STARD10: variants seen among roughly 807,000 people sequenced by gnomAD.
The protein encoded by STARD10 is StAR related lipid transfer domain containing 10.
A neutral mutation model predicts 36.0 loss-of-function variants in STARD10; 24 were observed. The observed-to-expected ratio is 0.67, with a 90% CI of 0.48 to 0.94. The LOEUF (loss-of-function observed/expected upper bound fraction) is 0.94. Ranked by LOEUF, STARD10 falls within the 40% of genes least tolerant of loss-of-function variation. The probability of loss-of-function intolerance (pLI) is 0.00; values close to 1 mark genes in which losing one functional copy is unlikely to be tolerated. For synonymous variants in STARD10, 156 were observed against 161.9 expected, an observed-to-expected ratio of 0.96 and a Z score of 0.28; for missense variants, 335 against 396.6, an observed-to-expected ratio of 0.84 and a Z score of 1.32.
At chr11:72,768,406 C>T (rs1858818479) in intron 2 of STARD10, among the ~76,000 whole-genome samples, 1 of 151,988 alleles carries the variant, frequency 6.6e-6, no homozygotes, top group African/African-American at 2.4e-5. Flanking sequence ...TTCTGGGGCC[C>T]CCAAAATGGA....
chr11:72,774,142 AG>A (rs1266915279), intron 2 of STARD10, among the ~76,000 whole-genome samples: 2 of 152,186 alleles, frequency 1.3e-5, no homozygotes, highest in Non-Finnish European at 2.9e-5. Flanking sequence ...GGGGAGATGG[AG>A]GTGGTAACAA....
chr11:72,766,635 G>A (rs1243459032), intron 2 of STARD10, among the ~76,000 whole-genome samples: 1 of 152,034 alleles, frequency 6.6e-6, no homozygotes, highest in African/African-American at 2.4e-5. Flanking sequence ...CCCCCTGACT[G>A]TGTTCTCTGG....
chr11:72,776,611 T>C (rs542878197), intron 2 of STARD10, among the ~76,000 whole-genome samples: 6 of 152,118 alleles, frequency 3.9e-5, no homozygotes. Context: ...GCTTCAGCCA[T>C]GTCCGGCTGT....
chr11:72,791,413 G>C (rs1859141893), intron 1 of STARD10, among the ~76,000 whole-genome samples: 1 of 152,116 alleles, frequency 6.6e-6, no homozygotes, highest in South Asian at 2.1e-4. Flanking sequence ...CCTTAATAGA[G>C]TCCTTTTCTG....
intron 6 of STARD10, 120 bp downstream of exon 6, chr11:72,755,581 G>C: frequency 8.4e-7 from 1 of 1,185,220 alleles, no homozygotes; most frequent in South Asian, 1.2e-5. Context: ...AAAGTGCTGG[G>C]ATTACAGGCA....
At chr11:72,755,579 G>T (rs1858633246) in intron 6 of STARD10, 122 bp downstream of exon 6, 3 of 1,164,858 alleles carry the variant, frequency 2.6e-6, no homozygotes, top group Non-Finnish European at 3.8e-6. Context: ...CCAAAGTGCT[G>T]GGATTACAGG....
chr11:72,761,825 T>C (rs576388209), intron 2 of STARD10, among the ~76,000 whole-genome samples: 8 of 151,890 alleles, frequency 5.3e-5, no homozygotes, highest in African/African-American at 1.9e-4. Context: ...GGAAGCACAA[T>C]TGCTAAGGTG....
chr11:72,763,678 T>C (rs1858750087), intron 2 of STARD10, among the ~76,000 whole-genome samples: 1 of 151,798 alleles, frequency 6.6e-6, no homozygotes, highest in South Asian at 2.1e-4. Flanking sequence ...GAGATGTGAG[T>C]GACTGAGTGA....
rs149420136 is a variant in STARD10, at chr11:72,759,221, T to C, written c.355+13A>G. On this transcript the variant is annotated intron_variant, in intron 3 of 6. Coordinates refer to ENST00000334805, the MANE Select transcript of STARD10 (RefSeq NM_006645.3). ...GCCAAGGGGACTGGGATCAGCGTGC[T>C]ACGCCTGCTCACAGGAGTAATAGCC... 1.2e-6 allele frequency: 2 copies of C among 1,613,790 alleles called. No homozygotes were observed. The highest frequency in any genetic ancestry group is 1.1e-5 in the South Asian group (1 of 90,996).
At position 72,780,921 on chromosome 11, in the gene STARD10, G is replaced by A. The variant is rs74541037; in HGVS notation, c.207+54C>T. 2.3e-3 allele frequency: 3,650 copies of A among 1,577,618 alleles called. 82 individuals carry two copies. The Admixed American group carries it at 0.043, about 18-fold the overall frequency. ...CCGGAGAGAGGACCAGGAGACTCCG[G>A]GAGAGAGGCAGTAAGGGTGCAGTGG... On this transcript the variant is annotated intron_variant, in intron 2 of 6. Coordinates refer to ENST00000334805, the MANE Select transcript of STARD10 (RefSeq NM_006645.3).
intron 2 of STARD10, among the ~76,000 whole-genome samples, chr11:72,774,372 A>G (rs1858903511): frequency 6.6e-6 from 1 of 152,222 alleles, no homozygotes; most frequent in South Asian, 2.1e-4. Context: ...CTAAAGCCCC[A>G]GAGAACAGCT....
chr11:72,760,217 TTTCA>T (rs562315770), intron 2 of STARD10, among the ~76,000 whole-genome samples: 1 of 150,842 alleles, frequency 6.6e-6, no homozygotes, highest in African/African-American at 2.4e-5. Flanking sequence ...TCTTTCTTTT[TTTCA>T]TTCATTCATT....
intron 2 of STARD10, among the ~76,000 whole-genome samples, chr11:72,779,514 G>A (rs1858966125): frequency 6.6e-6 from 1 of 152,142 alleles, no homozygotes; most frequent in South Asian, 2.1e-4. Flanking sequence ...CTTGAACCTG[G>A]GAGGTGGAGA....
intron 2 of STARD10, among the ~76,000 whole-genome samples, chr11:72,762,846 C>T (rs1034111372): frequency 6.6e-6 from 1 of 152,124 alleles, no homozygotes; most frequent in Admixed American, 6.5e-5. Flanking sequence ...GAATGAGTTC[C>T]ATCTGGCTCA....
Position 72,759,298 on chromosome 11 carries a change from G to T in STARD10, c.291C>A (p.Ser97Arg), listed in dbSNP as rs772117209. ...HDIEYRKKWD[S>R]NVIETFDIAR... Reference sequence around the variant, plus strand: ...CGATGTCAAAAGTCTCAATGACGTTGCTGTCCCATTTCTTGCGGTACTCAA... The same window carrying T: ...CGATGTCAAAAGTCTCAATGACGTTTCTGTCCCATTTCTTGCGGTACTCAA... Residue 97 changes from serine (S) to arginine (R), a missense_variant, in exon 3 of 7, where the codon AGC (serine) becomes AGA (arginine). Physicochemically the swap from Ser to Arg is moderately radical, Grantham distance 110 (BLOSUM62 -1). Transcript: ENST00000334805. 1.9e-6 allele frequency: 3 copies of T among 1,614,168 alleles called. No homozygotes were observed. The South Asian group carries it at 3.3e-5, about 18-fold the overall frequency.
Position 72,780,944 on chromosome 11 carries a change from T to C in STARD10, c.207+31A>G, listed in dbSNP as rs777864317. The C allele has an allele frequency of 3.7e-6, 6 of 1,602,294 alleles. No homozygotes were observed. The African/African-American group carries it at 5.4e-5, about 14-fold the overall frequency. ...CGGGAGAGAGGCAGTAAGGGTGCAG[T>C]GGAGGCTGCAGGTATAGCGGGCAAC... On this transcript the variant is annotated intron_variant, in intron 2 of 6. Coordinates refer to ENST00000334805, the MANE Select transcript of STARD10 (RefSeq NM_006645.3).
At chr11:72,770,696 T>G (rs1023444876) in intron 2 of STARD10, among the ~76,000 whole-genome samples, 1 of 152,052 alleles carries the variant, frequency 6.6e-6, no homozygotes, top group African/African-American at 2.4e-5. Flanking sequence ...GACAACTCTT[T>G]AGGTTCAAGG....
chr11:72,767,713 C>T (rs902905104), intron 2 of STARD10, among the ~76,000 whole-genome samples: 1 of 152,208 alleles, frequency 6.6e-6, no homozygotes, highest in Non-Finnish European at 1.5e-5. Context: ...AAGCACCTGT[C>T]GCCTGCAGGC....
rs186008232 is a variant in STARD10, at chr11:72,793,082, C to G, written c.-321G>C. ...TCAGTCAATCTAAGCCTGTATCCAA[C>G]AAAGACACTGACCCCTGGGGTACAA... is the stretch of plus-strand genomic sequence containing the variant. On this transcript the variant is annotated 5_prime_UTR_variant, in exon 1 of 7. Transcript: ENST00000334805. 4 of 152,384 alleles carry G rather than the reference C, an allele frequency of 2.6e-5. No homozygotes were observed. In the East Asian group the frequency reaches 7.7e-4, roughly 29 times the overall value. The allele number at this position is 152,384 out of a possible 1,614,324, so 9.4% of individuals were successfully genotyped here. A position where few individuals can be genotyped will look rare whatever the true frequency, so the allele number is the denominator to read the frequency against.
Sources: allele counts gnomAD v4.1 joint callset (sites outside exome capture counted in the v4.1 genomes callset), GRCh38; gene constraint gnomAD v4.1.1; transcripts MANE v1.5; gene names NCBI Gene and HGNC (gene_info 2026-07-23, HGNC 2026-07-21).